The following CELF2 variants were observed in gnomAD, a reference collection of about 807,000 sequenced individuals.
CELF2 encodes the protein CUGBP Elav-like family member 2, also known as CUG triplet repeat RNA-binding protein 2.
In CELF2, 8 loss-of-function variants were observed where a neutral mutation model predicts 62.6. The observed-to-expected ratio is 0.13, with a 90% CI of 0.07 to 0.23. The LOEUF (loss-of-function observed/expected upper bound fraction) is 0.23, where lower values mean the gene tolerates loss of function less well. CELF2 is among the 10% of genes least tolerant of loss of function. CELF2 has a pLI of 1.00. For missense variants in CELF2, 333 were observed against 671.0 expected, an observed-to-expected ratio of 0.50 and a Z score of 5.56; for synonymous variants, 258 against 250.0, an observed-to-expected ratio of 1.03 and a Z score of -0.30.
the CELF2 span, among the ~76,000 whole-genome samples, chr10:10,770,046 A>G: frequency 6.6e-6 from 1 of 152,118 alleles, no homozygotes; most frequent in Non-Finnish European, 1.5e-5. Flanking sequence ...GGACATAAGT[A>G]GGATTTTGTA....
chr10:11,335,741 G>A lies in CELF2; in HGVS notation c.*6688G>A, dbSNP rs768421188. The A allele has an allele frequency of 6.6e-6, 1 of 152,018 alleles. No homozygotes were observed. The highest frequency in any genetic ancestry group is 1.5e-5 in the Non-Finnish European group (1 of 68,032). The allele number at this position is 152,018 out of a possible 1,614,324, so 9.4% of individuals were successfully genotyped here. A position where few individuals can be genotyped will look rare whatever the true frequency, so the allele number is the denominator to read the frequency against. ...TGGGAGGGGGATGTTGGGAGGCATG[G>A]GGGGTGATTAAATTATCATTTCCAA... On this transcript the variant is annotated 3_prime_UTR_variant, in exon 13 of 13. Transcript: ENST00000633077. This position sits in a 1 kb window ranked among gnomAD's most constrained non-coding sequence, Gnocchi z 5.0.
At chr10:10,705,020 C>G in the CELF2 span, among the ~76,000 whole-genome samples, 1 of 151,790 alleles carries the variant, frequency 6.6e-6, no homozygotes, top group Non-Finnish European at 1.5e-5. Context: ...GAGACCTGGT[C>G]TGTGCAGAAA....
chr10:10,536,132 G>T, the CELF2 span, among the ~76,000 whole-genome samples: 4 of 150,766 alleles, frequency 2.7e-5, no homozygotes, highest in Non-Finnish European at 5.9e-5. Context: ...CGATTCTACT[G>T]CCTCAGCCTC....
At chr10:10,830,589 T>C (rs2057768560) in intron 1 of CELF2, among the ~76,000 whole-genome samples, 1 of 152,140 alleles carries the variant, frequency 6.6e-6, no homozygotes, top group East Asian at 1.9e-4. Flanking sequence ...TAACAAAACT[T>C]CCTACTGCTT....
At chr10:10,766,991 C>T in the CELF2 span, among the ~76,000 whole-genome samples, 1 of 152,198 alleles carries the variant, frequency 6.6e-6, no homozygotes, top group Non-Finnish European at 1.5e-5. Context: ...ACTTCCACTT[C>T]TCTGTCAATG....
chr10:10,511,021 T>C, the CELF2 span, among the ~76,000 whole-genome samples: 6 of 152,318 alleles, frequency 3.9e-5, no homozygotes, highest in African/African-American at 1.2e-4. Flanking sequence ...GTGGGCCCCA[T>C]AGGCCTGCCT....
rs1007414985 is a variant in CELF2 at position 11,331,280 on chromosome 10, T to C, written c.*2227T>C. ...ACAAGTTTAGAATTGGTTTACTTAA[T>C]ACAAAAAAAAAAAAAAGAATTTCAA... On this transcript the variant is annotated 3_prime_UTR_variant, in exon 13 of 13. Transcript: ENST00000633077. 4 of 62,044 alleles carry C rather than the reference T, an allele frequency of 6.4e-5. No individual in the cohort carries two copies. The highest frequency in any genetic ancestry group is 2.7e-4 in the African/African-American group (4 of 14,898). The allele number at this position is 62,044 out of a possible 1,614,324, so 3.8% of individuals were successfully genotyped here. A position where few individuals can be genotyped will look rare whatever the true frequency, so the allele number is the denominator to read the frequency against.
At chr10:11,193,402 T>G (rs2056552107) in intron 2 of CELF2, among the ~76,000 whole-genome samples, 1 of 152,188 alleles carries the variant, frequency 6.6e-6, no homozygotes, top group African/African-American at 2.4e-5. Context: ...ACTCCAAAGT[T>G]TCACCGTGAC....
chr10:10,702,080 C>T, the CELF2 span, among the ~76,000 whole-genome samples: 8 of 152,194 alleles, frequency 5.3e-5, no homozygotes, highest in Middle Eastern at 3.4e-3. Context: ...TGGAGGGGAG[C>T]GGCAGATTTG....
In CELF2 at chr10:10,983,121, A is replaced by T. The variant is rs1296666085; in HGVS notation, c.89+63122A>T. ...AGTGCTACATTTTAAAAAATAATTT[A>T]AGCTCTTTTTTCATTATTTTTTTTT... On this transcript the variant is annotated intron_variant, in intron 2 of 13. Transcript: ENST00000636488. This position sits in a 1 kb window ranked among gnomAD's most constrained non-coding sequence, Gnocchi z 5.2. Among the ~76,000 whole-genome samples, 1 of 152,112 alleles carries T rather than the reference A, an allele frequency of 6.6e-6. No homozygotes were observed. Among genetic ancestry groups the T allele is most frequent in the East Asian group, 1.9e-4 (1 of 5,202 alleles).
At chr10:10,578,568 G>A in the CELF2 span, among the ~76,000 whole-genome samples, 3,465 of 152,042 alleles carry the variant, frequency 0.023, 65 homozygotes, top group Non-Finnish European at 0.036. Context: ...CTCTGTTATC[G>A]TATATCAGAG....
chr10:10,924,696 C>A (rs1250927299), intron 2 of CELF2, among the ~76,000 whole-genome samples: 2 of 118,108 alleles, frequency 1.7e-5, no homozygotes, highest in Non-Finnish European at 3.5e-5. Flanking sequence ...AGACTTTTCT[C>A]TTGTATATTA....
intron 1 of CELF2, chr10:11,102,244 A>G (rs2142619157): frequency 6.6e-6 from 1 of 152,348 alleles, no homozygotes; most frequent in East Asian, 1.9e-4. Flanking sequence ...CTTCCAGTCC[A>G]TGGCAAAAAT....
intron 1 of CELF2, among the ~76,000 whole-genome samples, chr10:11,080,753 G>A (rs2773489): frequency 0.061 from 9,252 of 152,304 alleles, 484 homozygotes; most frequent in African/African-American, 0.15. Flanking sequence ...TTCCGGAGGT[G>A]GAGGAGGATG....
chr10:10,583,416 G>C, the CELF2 span, among the ~76,000 whole-genome samples: 1 of 152,088 alleles, frequency 6.6e-6, no homozygotes, highest in Admixed American at 6.5e-5. Context: ...GCTTACCTGT[G>C]CTGTTGGCAA....
intron 2 of CELF2, among the ~76,000 whole-genome samples, chr10:11,174,524 A>G (rs946983032): frequency 5.3e-5 from 8 of 152,252 alleles, no homozygotes; most frequent in African/African-American, 1.9e-4. Context: ...GACAGTGATC[A>G]GTTTGAAGAA....
Position 10,827,371 on chromosome 10 carries a change from G to A in CELF2, c.53+28554G>A, listed in dbSNP as rs369628087. On this transcript the variant is annotated intron_variant, in intron 1 of 13. Transcript: ENST00000636488. ...GCTAACACTCTCACTTCTTCATCAC[G>A]TCTCCTTCTGAGGATAAGTAGGGAA... Among the ~76,000 whole-genome samples the A allele has an allele frequency of 1.6e-4, 24 of 152,140 alleles. No homozygotes were observed. In the South Asian group the frequency reaches 1.7e-3, roughly 11 times the overall value.
At position 11,223,353 on chromosome 10, in the gene CELF2, C is replaced by T. The variant is rs1459448570; in HGVS notation, c.354+5846C>T. 1.3e-5 allele frequency among the ~76,000 whole-genome samples: 2 copies of T among 152,218 alleles called. No homozygotes were observed. The highest frequency in any genetic ancestry group is 2.9e-5 in the Non-Finnish European group (2 of 68,034). ...CTTGTGGAGCACCCCAGCATACAAA[C>T]GTGTGGAACATACACGTATTCCACA... On this transcript the variant is annotated intron_variant, in intron 3 of 12. Coordinates refer to ENST00000633077, the MANE Select transcript of CELF2 (RefSeq NM_001326342.2). The surrounding 1 kb of genome is among the most constrained non-coding windows in gnomAD (Gnocchi z 5.1).
intron 1 of CELF2, among the ~76,000 whole-genome samples, chr10:10,872,525 CA>C (rs2060814898): frequency 6.6e-6 from 1 of 152,128 alleles, no homozygotes; most frequent in Non-Finnish European, 1.5e-5. Flanking sequence ...CAGCTGATCC[CA>C]AACATTTATG....
Sources: allele counts gnomAD v4.1 joint callset (sites outside exome capture counted in the v4.1 genomes callset), GRCh38; gene constraint gnomAD v4.1.1; non-coding constraint Gnocchi (gnomAD v3.1); transcripts MANE v1.5; gene names NCBI Gene and HGNC (gene_info 2026-07-23, HGNC 2026-07-21).